The following EIF4G3 variants were observed in gnomAD, a reference collection of about 807,000 sequenced individuals.
EIF4G3 encodes the protein eIF-4-gamma 3.
Under a neutral mutation model 186.4 loss-of-function variants are expected in EIF4G3, and 34 were observed. The observed-to-expected ratio is 0.18, with a 90% CI of 0.14 to 0.24. EIF4G3 has a LOEUF of 0.24. Among genes scored for constraint, EIF4G3 ranks in the 10% least tolerant of loss-of-function variants. The probability of loss-of-function intolerance (pLI) is 1.00; values close to 1 mark genes in which losing one functional copy is unlikely to be tolerated. For synonymous variants in EIF4G3, 673 were observed against 679.5 expected (o/e 0.99, Z 0.15); for missense variants, 1,536 against 1,948.5 (o/e 0.79, Z 3.99).
At position 21,123,128 on chromosome 1, in the gene EIF4G3, A is replaced by G. The variant is rs1428230259; in HGVS notation, c.-271-33915T>C. Among the ~76,000 whole-genome samples, 3 of 152,166 alleles carry G rather than the reference A, an allele frequency of 2.0e-5. No homozygotes were observed. In the East Asian group the frequency reaches 5.8e-4, roughly 29 times the overall value. ...TTTAAAAGTTGTAAGACATCTGTCTAGTCACAAAAGGATCTCCAATTTTCT... is the reference window on the plus strand; with the variant it reads ...TTTAAAAGTTGTAAGACATCTGTCTGGTCACAAAAGGATCTCCAATTTTCT... On this transcript the variant is annotated intron_variant, in intron 2 of 36. Transcript: ENST00000602326.
At chr1:21,093,748 T>C (rs960331434) in intron 2 of EIF4G3, among the ~76,000 whole-genome samples, 5 of 152,130 alleles carry the variant, frequency 3.3e-5, no homozygotes, top group Non-Finnish European at 5.9e-5. Flanking sequence ...TGGCACATAA[T>C]ATACACCATG....
In EIF4G3 at chr1:20,813,957, T is replaced by TG. The variant is rs1378868389; in HGVS notation, c.4516-719_4516-718insC. ...AACAGATGAGTCACTGTTTTTTTTTTTTTTTTTTTTTTGAGACTTTGCACT... is the reference window on the plus strand; with the variant it reads ...AACAGATGAGTCACTGTTTTTTTTTTGTTTTTTTTTTTTGAGACTTTGCACT... On this transcript the variant is annotated intron_variant, in intron 34 of 36. Transcript: ENST00000602326. 1.6e-3 allele frequency among the ~76,000 whole-genome samples: 218 copies of TG among 138,298 alleles called. 5 individuals carry two copies. The highest frequency in any genetic ancestry group is 1.2e-3 in the Non-Finnish European group (76 of 63,390). The allele number at this position is 138,298 out of a possible 152,430, so 90.7% of individuals were successfully genotyped here. A position where few individuals can be genotyped will look rare whatever the true frequency, so the allele number is the denominator to read the frequency against.
chr1:20,820,107 G>A (rs1048841254), intron 33 of EIF4G3, among the ~76,000 whole-genome samples: 4 of 152,226 alleles, frequency 2.6e-5, no homozygotes, highest in Middle Eastern at 3.4e-3. Context: ...CAAGCCTCCT[G>A]CTCTTTGGAG....
chr1:21,011,962 T>C (rs1000854867), intron 4 of EIF4G3, among the ~76,000 whole-genome samples: 18 of 152,158 alleles, frequency 1.2e-4, no homozygotes, highest in African/African-American at 4.1e-4. Flanking sequence ...CTTATACACA[T>C]GGGTATGTGG....
At chr1:20,905,693 A>G (rs564960889) in intron 14 of EIF4G3, among the ~76,000 whole-genome samples, 30 of 152,370 alleles carry the variant, frequency 2.0e-4, no homozygotes, top group Non-Finnish European at 3.7e-4. Context: ...TCATGGGTGT[A>G]TAAGTGAAAG....
At chr1:21,029,143 G>T (rs139191583) in intron 4 of EIF4G3, among the ~76,000 whole-genome samples, 1 of 151,932 alleles carries the variant, frequency 6.6e-6, no homozygotes, top group Non-Finnish European at 1.5e-5. Flanking sequence ...TCAGCCTCCC[G>T]AGTAGCTGAA....
At chr1:21,113,857 A>G (rs2096771451) in intron 2 of EIF4G3, among the ~76,000 whole-genome samples, 1 of 152,206 alleles carries the variant, frequency 6.6e-6, no homozygotes. Context: ...TCTTCAAAAA[A>G]TACAAAAAAT....
At chr1:20,867,546 A>C (rs190223060) in intron 20 of EIF4G3, among the ~76,000 whole-genome samples, 9 of 152,320 alleles carry the variant, frequency 5.9e-5, no homozygotes, top group Admixed American at 3.3e-4. Context: ...CCTATCTCTT[A>C]GGAGGTGTTA....
chr1:20,854,528 T>A (rs2074289315), intron 26 of EIF4G3, among the ~76,000 whole-genome samples: 1 of 130,728 alleles, frequency 7.6e-6, no homozygotes, highest in Non-Finnish European at 1.7e-5. Context: ...ACTCCATCTC[T>A]ACAAAAAATT....
At chr1:20,977,611 G>C (rs536965307) in intron 10 of EIF4G3, among the ~76,000 whole-genome samples, 1 of 152,102 alleles carries the variant, frequency 6.6e-6, no homozygotes, top group Non-Finnish European at 1.5e-5. Flanking sequence ...CTGCCCACTT[G>C]ATGTCTACTG....
At chr1:20,874,417 T>C (rs906027881) in intron 20 of EIF4G3, among the ~76,000 whole-genome samples, 5 of 152,224 alleles carry the variant, frequency 3.3e-5, no homozygotes, top group Non-Finnish European at 7.3e-5. Context: ...ATTTCTCCGA[T>C]GATCAGTGAT....
At chr1:21,156,771 T>G (rs556115482) in intron 2 of EIF4G3, among the ~76,000 whole-genome samples, 15 of 152,200 alleles carry the variant, frequency 9.9e-5, no homozygotes, top group African/African-American at 3.6e-4. Context: ...CAGCAAAACC[T>G]TGGAAAACCT....
In EIF4G3 at chr1:20,857,388, A is replaced by G; in HGVS notation, c.3339+15T>C. 6.2e-7 allele frequency: 1 copy of G among 1,603,320 alleles called. No individual in the cohort carries two copies. The highest frequency in any genetic ancestry group is 8.5e-7 in the Non-Finnish European group (1 of 1,170,264). ...CAAAGGAGAGCGTAAATTGTACTTT[A>G]AATGTCAGACTCACCTTAGTGATTT... On this transcript the variant is annotated intron_variant, in intron 25 of 36. Transcript: ENST00000602326.
intron 29 of EIF4G3, among the ~76,000 whole-genome samples, chr1:20,849,046 CAAAAAAA>C (rs60344352): frequency 7.5e-4 from 13 of 17,396 alleles, no homozygotes; most frequent in East Asian, 1.7e-3. Flanking sequence ...GACTCTGTCT[CAAAAAAA>C]AAAAAAAAAA....
chr1:20,942,269 G>A lies in EIF4G3; in HGVS notation c.885C>T (p.Leu295=), dbSNP rs1296941124. The change falls in exon 14 of 37, where the codon CTC becomes CTT. Residue 295 remains leucine, a synonymous_variant. Transcript: ENST00000602326. ...CTTCTTGTTCTTTCTTCTCTCCACT[G>A]AGGACTAGCCTAAGGACTGGGGAAG... ...KSPSPVLRLV[L]SGEKKEQEGQ... is the part of the protein sequence containing the mutation. The A allele has an allele frequency of 1.9e-6, 3 of 1,613,488 alleles. No individual in the cohort carries two copies. The highest frequency in any genetic ancestry group is 2.5e-6 in the Non-Finnish European group (3 of 1,179,684).
intron 2 of EIF4G3, among the ~76,000 whole-genome samples, chr1:21,109,242 C>A (rs925262447): frequency 2.0e-5 from 3 of 152,254 alleles, no homozygotes; most frequent in East Asian, 1.9e-4. Flanking sequence ...GGGTTTTGTA[C>A]CCTTACTTTG....
At chr1:20,927,753 G>T (rs2095020045) in intron 14 of EIF4G3, among the ~76,000 whole-genome samples, 1 of 152,206 alleles carries the variant, frequency 6.6e-6, no homozygotes, top group Non-Finnish European at 1.5e-5. Flanking sequence ...CCAAAACACA[G>T]ATCCCTTATG....
At chr1:21,108,828 G>A (rs1171008649) in intron 2 of EIF4G3, among the ~76,000 whole-genome samples, 3 of 149,922 alleles carry the variant, frequency 2.0e-5, no homozygotes, top group Admixed American at 6.7e-5. Context: ...ACTTCAACCC[G>A]GGAGACAGAG....
intron 2 of EIF4G3, among the ~76,000 whole-genome samples, chr1:21,159,384 G>A (rs2097717958): frequency 6.6e-6 from 1 of 150,710 alleles, no homozygotes; most frequent in Non-Finnish European, 1.5e-5. Context: ...AGATTGCAGT[G>A]AGCTATGATC....
Sources: gnomAD v4.1 joint callset for allele counts (sites outside exome capture counted in the v4.1 genomes callset) on GRCh38, gnomAD v4.1.1 for gene constraint, MANE v1.5 for transcripts, NCBI Gene and HGNC (gene_info 2026-07-23, HGNC 2026-07-21) for gene names.